SRGAP1: variants seen among roughly 807,000 people sequenced by gnomAD.
The protein encoded by SRGAP1 is SLIT-ROBO Rho GTPase activating protein 1, also known as SLIT-ROBO Rho GTPase-activating protein 1.
In SRGAP1, 43 loss-of-function variants were observed where a neutral mutation model predicts 121.9. That is an observed-to-expected ratio of 0.35 (90% CI 0.28 to 0.46). SRGAP1 has a LOEUF of 0.46. Among genes scored for constraint, SRGAP1 ranks in the 20% least tolerant of loss-of-function variants. SRGAP1 has a pLI of 1.00. For missense variants in SRGAP1, 1,102 were observed against 1,350.9 expected, an observed-to-expected ratio of 0.82 and a Z score of 2.89; for synonymous variants, 447 against 485.4, an observed-to-expected ratio of 0.92 and a Z score of 1.04.
intron 18 of SRGAP1, among the ~76,000 whole-genome samples, chr12:64,122,130 G>T (rs1392509075): frequency 6.6e-6 from 1 of 152,190 alleles, no homozygotes; most frequent in Non-Finnish European, 1.5e-5. Flanking sequence ...AACATTACAA[G>T]AAATGGAAAT....
chr12:63,976,897 A>G (rs996453143), intron 1 of SRGAP1, among the ~76,000 whole-genome samples: 2 of 152,152 alleles, frequency 1.3e-5, no homozygotes, highest in African/African-American at 2.4e-5. Flanking sequence ...CCAGAATTCA[A>G]TTTGGTAAAT....
rs1190581160 is a variant in SRGAP1 at position 64,153,897 on chromosome 12, C to T, written c.*11225C>T. The T allele has an allele frequency of 6.6e-6, 1 of 152,128 alleles. No individual in the cohort carries two copies. Among genetic ancestry groups the T allele is most frequent in the African/African-American group, 2.4e-5 (1 of 41,412 alleles). The allele number at this position is 152,128 out of a possible 1,614,324, so 9.4% of individuals were successfully genotyped here. On this transcript the variant is annotated 3_prime_UTR_variant, in exon 22 of 22. Transcript: ENST00000355086. Reference sequence around the variant, plus strand: ...ACAATAGCCACAAGAGAGAAGCAACCCATGAATGGATGAATGGGTAAAGAA... The same window carrying T: ...ACAATAGCCACAAGAGAGAAGCAACTCATGAATGGATGAATGGGTAAAGAA...
intron 1 of SRGAP1, chr12:63,879,464 T>C (rs1371243349): frequency 6.6e-6 from 1 of 152,120 alleles, no homozygotes; most frequent in Non-Finnish European, 1.5e-5. Flanking sequence ...TACAATACAA[T>C]GAATTAATAT....
chr12:64,000,195 A>T (rs747000136), intron 3 of SRGAP1, among the ~76,000 whole-genome samples: 82 of 151,092 alleles, frequency 5.4e-4, no homozygotes, highest in Non-Finnish European at 9.1e-4. Context: ...AGGAGGAAAG[A>T]TAAGGGAAGT....
intron 3 of SRGAP1, among the ~76,000 whole-genome samples, chr12:64,000,167 A>G (rs963612976): frequency 6.6e-6 from 1 of 151,852 alleles, no homozygotes; most frequent in Non-Finnish European, 1.5e-5. Flanking sequence ...AGTATTGTCT[A>G]GAAATTTGCC....
chr12:63,845,229 C>G (rs1898864400), intron 1 of SRGAP1, among the ~76,000 whole-genome samples: 1 of 152,182 alleles, frequency 6.6e-6, no homozygotes, highest in East Asian at 1.9e-4. Flanking sequence ...TTATCACCAT[C>G]ATTATTCTTT....
At chr12:64,023,431 A>G (rs961129584) in intron 4 of SRGAP1, among the ~76,000 whole-genome samples, 4 of 152,196 alleles carry the variant, frequency 2.6e-5, no homozygotes, top group Admixed American at 6.5e-5. Flanking sequence ...CCCACTACCA[A>G]AATCTCAAAA....
chr12:63,931,015 T>C (rs1407188344), intron 1 of SRGAP1, among the ~76,000 whole-genome samples: 3 of 152,148 alleles, frequency 2.0e-5, no homozygotes, highest in African/African-American at 7.2e-5. Flanking sequence ...GTAGCCAGTG[T>C]TTGTCCACCC....
At position 64,153,781 on chromosome 12, in the gene SRGAP1, TATG is replaced by T. The variant is rs1175730054; in HGVS notation, c.*11112_*11114del. The T allele has an allele frequency of 2.0e-5, 3 of 152,164 alleles. No homozygotes were observed. The highest frequency in any genetic ancestry group is 4.4e-5 in the Non-Finnish European group (3 of 68,028). 9.4% of individuals were successfully genotyped at this position (152,164 alleles called of 1,614,324 possible). On this transcript the variant is annotated 3_prime_UTR_variant, in exon 22 of 22. Coordinates refer to ENST00000355086, the MANE Select transcript of SRGAP1 (RefSeq NM_020762.4). ...CAAAAAATTAAAAATAAAACCCTCATATGATCCACCAAGCCCACTTCTGGGTAC... is the reference window on the plus strand; with the variant it reads ...CAAAAAATTAAAAATAAAACCCTCATATCCACCAAGCCCACTTCTGGGTAC...
chr12:64,087,461 G>A (rs1258298830), intron 11 of SRGAP1, among the ~76,000 whole-genome samples: 1 of 152,176 alleles, frequency 6.6e-6, no homozygotes, highest in Non-Finnish European at 1.5e-5. Flanking sequence ...CTGGCCGGGT[G>A]CAGTGGCTCA....
chr12:63,956,720 CTTTTTTTTTTT>C (rs3067620), intron 1 of SRGAP1, among the ~76,000 whole-genome samples: 31 of 96,978 alleles, frequency 3.2e-4, no homozygotes, highest in Non-Finnish European at 4.9e-4. Context: ...GTAAGCAAGG[CTTTTTTTTTTT>C]TTTTTTTTTG....
chr12:64,128,811 A>G (rs1359093655), intron 21 of SRGAP1, among the ~76,000 whole-genome samples: 1 of 152,230 alleles, frequency 6.6e-6, no homozygotes, highest in Non-Finnish European at 1.5e-5. Flanking sequence ...GAACACATTC[A>G]GGTCTTTGCT....
At chr12:63,967,273 T>G (rs1461775666) in intron 1 of SRGAP1, among the ~76,000 whole-genome samples, 2 of 152,002 alleles carry the variant, frequency 1.3e-5, no homozygotes, top group Non-Finnish European at 2.9e-5. Context: ...AGGCCTCATT[T>G]CCACTAAAAA....
At chr12:63,866,855 G>C (rs530223231) in intron 1 of SRGAP1, among the ~76,000 whole-genome samples, 71 of 151,602 alleles carry the variant, frequency 4.7e-4, no homozygotes, top group African/African-American at 1.7e-3. Context: ...GAGGAGATAA[G>C]GTAAATCATA....
chr12:64,006,484 A>C (rs1262695930), intron 3 of SRGAP1, among the ~76,000 whole-genome samples: 2 of 152,184 alleles, frequency 1.3e-5, no homozygotes, highest in African/African-American at 4.8e-5. Flanking sequence ...TGGAGGGCAC[A>C]AGAATTTGAA....
intron 1 of SRGAP1, among the ~76,000 whole-genome samples, chr12:63,908,899 C>T (rs572234414): frequency 6.8e-6 from 1 of 146,356 alleles, no homozygotes; most frequent in East Asian, 2.0e-4. Context: ...CAATAATAAT[C>T]TTTTTTTTTT....
rs2036710825 is a variant in SRGAP1 at position 64,127,460 on chromosome 12, A to T, written c.2406-130A>T. On this transcript the variant is annotated intron_variant, in intron 19 of 21. Transcript: ENST00000355086. The stretch of plus-strand genomic sequence containing the variant: ...AGAGAAAAGTTATTTTAATAAAAGA[A>T]GGGCTTTCATGCATAATGCTATTTC... 3 of 833,590 alleles carry T rather than the reference A, an allele frequency of 3.6e-6. No individual in the cohort carries two copies. In the South Asian group the frequency reaches 9.1e-5, roughly 25 times the overall value. 51.6% of individuals were successfully genotyped at this position (833,590 alleles called of 1,614,324 possible).
intron 21 of SRGAP1, among the ~76,000 whole-genome samples, chr12:64,131,992 T>C (rs2036792482): frequency 6.6e-6 from 1 of 152,124 alleles, no homozygotes. Flanking sequence ...CTGACCAATA[T>C]GGTGAAACCC....
At chr12:63,925,897 T>C in intron 1 of SRGAP1, among the ~76,000 whole-genome samples, 1 of 152,154 alleles carries the variant, frequency 6.6e-6, no homozygotes, top group East Asian at 1.9e-4. Flanking sequence ...TATTATGCCT[T>C]TCACACTTCC....
Sources: gnomAD v4.1 joint callset for allele counts (sites outside exome capture counted in the v4.1 genomes callset) on GRCh38, gnomAD v4.1.1 for gene constraint, MANE v1.5 for transcripts, NCBI Gene and HGNC (gene_info 2026-07-23, HGNC 2026-07-21) for gene names.